Variants in CNTLN observed in about 807,000 individuals in gnomAD.
CNTLN encodes centlein, centrosomal protein.
In CNTLN, 212 loss-of-function variants were observed where a neutral mutation model predicts 180.0. That is an observed-to-expected ratio of 1.18 (90% CI 1.05 to 1.32). The LOEUF is 1.32. Among genes scored for constraint, CNTLN ranks in the 40% most tolerant of loss-of-function variants. The pLI is 0.00. For missense variants in CNTLN, 2,095 were observed against 1,610.9 expected, an observed-to-expected ratio of 1.30 and a Z score of -5.14; for synonymous variants, 722 against 563.1, an observed-to-expected ratio of 1.28 and a Z score of -3.99.
intron 13 of CNTLN, among the ~76,000 whole-genome samples, chr9:17,382,701 A>G (rs959629005): frequency 1.3e-5 from 2 of 152,204 alleles, no homozygotes; most frequent in African/African-American, 4.8e-5. Context: ...GTTTCGTTTT[A>G]TACTACTTAC....
intron 12 of CNTLN, among the ~76,000 whole-genome samples, chr9:17,354,054 A>G (rs1275936169): frequency 6.6e-6 from 1 of 152,208 alleles, no homozygotes; most frequent in Non-Finnish European, 1.5e-5. Context: ...TGCCGGCCCC[A>G]GGCAATGAGG....
chr9:17,526,260 C>A, the CNTLN span, among the ~76,000 whole-genome samples: 1 of 152,072 alleles, frequency 6.6e-6, no homozygotes, highest in African/African-American at 2.4e-5. Flanking sequence ...ACATCATTTC[C>A]CTACTCAAAA....
chr9:17,241,284 C>T (rs138266532), intron 5 of CNTLN, among the ~76,000 whole-genome samples: 8 of 152,248 alleles, frequency 5.3e-5, no homozygotes, highest in African/African-American at 1.9e-4. Context: ...ATATGTATAT[C>T]CATTTCCCAG....
chr9:17,176,894 T>C (rs1462966380), intron 2 of CNTLN, among the ~76,000 whole-genome samples: 3 of 152,154 alleles, frequency 2.0e-5, no homozygotes, highest in Non-Finnish European at 4.4e-5. Context: ...TGTTATGGTT[T>C]TATGTCTGCA....
At chr9:17,517,919 C>G in the CNTLN span, among the ~76,000 whole-genome samples, 6 of 151,666 alleles carry the variant, frequency 4.0e-5, no homozygotes, top group East Asian at 1.2e-3. Context: ...CCTTCCGACT[C>G]TGTGCTTCTC....
chr9:17,196,589 T>G (rs886564904), intron 2 of CNTLN, among the ~76,000 whole-genome samples: 7 of 151,808 alleles, frequency 4.6e-5, no homozygotes, highest in Admixed American at 3.3e-4. Context: ...AAAATAAGAC[T>G]TATATGAATA....
intron 9 of CNTLN, among the ~76,000 whole-genome samples, chr9:17,331,726 A>G (rs1820657042): frequency 6.6e-6 from 1 of 152,010 alleles, no homozygotes; most frequent in Non-Finnish European, 1.5e-5. Context: ...TCAGAAAATG[A>G]GATTTATTTA....
rs2131536710 is a variant in CNTLN, at chr9:17,154,175, C to G, written c.449+10799C>G. Among the ~76,000 whole-genome samples, 3 of 152,280 alleles carry G rather than the reference C, an allele frequency of 2.0e-5. No individual in the cohort carries two copies. The Middle Eastern group carries it at 0.01, about 518-fold the overall frequency. On this transcript the variant is annotated intron_variant, in intron 2 of 25. Transcript: ENST00000380647. ...CTTCTGTCAGTTCGTCAAACTCATT[C>G]TCTGTCCAGCTTTGTTCCCTTGCTG...
In CNTLN at chr9:17,394,992, C is replaced by G; in HGVS notation, c.2538C>G (p.Leu846=). The part of the protein sequence containing the change: ...NCSVGRHHTV[L]NHSIKVMSNV... ...CTGTGGGTCGTCACCACACTGTTCT[C>G]AATCATTCCATCAAGGTTATGAGCA... Residue 846 remains leucine (L), a synonymous_variant, in exon 15 of 26, where the codon CTC becomes CTG. Transcript: ENST00000380647. The G allele has an allele frequency of 1.9e-6, 3 of 1,613,700 alleles. No individual in the cohort carries two copies. The highest frequency in any genetic ancestry group is 2.5e-6 in the Non-Finnish European group (3 of 1,179,696).
chr9:17,335,990 G>A (rs1235245180), intron 10 of CNTLN, among the ~76,000 whole-genome samples: 1 of 151,438 alleles, frequency 6.6e-6, no homozygotes. Context: ...AAATCCAAAG[G>A]AAGTACTTAG....
intron 5 of CNTLN, among the ~76,000 whole-genome samples, chr9:17,249,938 T>G (rs1826041417): frequency 6.7e-6 from 1 of 149,346 alleles, no homozygotes; most frequent in Non-Finnish European, 1.5e-5. Context: ...CTTAATAACC[T>G]TCCATGTAGA....
chr9:17,401,347 C>T (rs78172477), intron 15 of CNTLN, among the ~76,000 whole-genome samples: 5,967 of 151,588 alleles, frequency 0.039, 191 homozygotes, highest in East Asian at 0.17. Context: ...TAATATAGTA[C>T]GGTACATTAA....
chr9:17,514,667 T>C, the CNTLN span, among the ~76,000 whole-genome samples: 1 of 152,218 alleles, frequency 6.6e-6, no homozygotes, highest in Non-Finnish European at 1.5e-5. Context: ...TAGATTTTAT[T>C]CCAAGTGTAC....
chr9:17,264,383 G>T (rs936511507), intron 5 of CNTLN, among the ~76,000 whole-genome samples: 1 of 151,314 alleles, frequency 6.6e-6, no homozygotes, highest in Admixed American at 6.6e-5. Flanking sequence ...TGAGGGCTCT[G>T]TTCTGTTCCA....
chr9:17,189,413 C>T (rs370800010), intron 2 of CNTLN, among the ~76,000 whole-genome samples: 1 of 150,948 alleles, frequency 6.6e-6, no homozygotes, highest in Non-Finnish European at 1.5e-5. Flanking sequence ...TTAGTGCAGG[C>T]TTAGAGCGAT....
chr9:17,357,275 C>T (rs1435146111), intron 12 of CNTLN, among the ~76,000 whole-genome samples: 1 of 151,782 alleles, frequency 6.6e-6, no homozygotes, highest in East Asian at 1.9e-4. Context: ...GGGTTTTTTC[C>T]ATGTTCCAGC....
intron 12 of CNTLN, among the ~76,000 whole-genome samples, chr9:17,347,499 T>C (rs1014085352): frequency 1.3e-5 from 2 of 151,930 alleles, no homozygotes; most frequent in African/African-American, 4.8e-5. Context: ...TGAAACCCTG[T>C]CTCTACTAAA....
intron 12 of CNTLN, among the ~76,000 whole-genome samples, chr9:17,360,923 C>T (rs1023390784): frequency 2.6e-5 from 4 of 152,002 alleles, no homozygotes; most frequent in African/African-American, 7.3e-5. Context: ...TTTTATAAAA[C>T]ATTCAGTTAG....
At chr9:17,279,232 A>G (rs1828508045) in intron 6 of CNTLN, among the ~76,000 whole-genome samples, 1 of 152,158 alleles carries the variant, frequency 6.6e-6, no homozygotes, top group Non-Finnish European at 1.5e-5. Flanking sequence ...CTTCTCTTGT[A>G]TAACCACAGT....
Sources: allele counts gnomAD v4.1 joint callset (sites outside exome capture counted in the v4.1 genomes callset), GRCh38; gene constraint gnomAD v4.1.1; transcripts MANE v1.5; gene names NCBI Gene and HGNC (gene_info 2026-07-23, HGNC 2026-07-21).